CROCC2: variants seen among roughly 807,000 people sequenced by gnomAD.
The protein encoded by CROCC2 is ciliary rootlet coiled-coil protein 2.
CROCC2 carries 163 observed loss-of-function variants against 177.6 expected under a neutral mutation model. The observed-to-expected ratio is 0.92, with a 90% CI of 0.81 to 1.05. The LOEUF is 1.05. Ranked by LOEUF, CROCC2 falls within the 50% of genes least tolerant of loss-of-function variation. CROCC2 has a pLI of 0.00. For missense variants in CROCC2, 1,929 were observed against 1,797.8 expected, an observed-to-expected ratio of 1.07 and a Z score of -1.32; for synonymous variants, 904 against 787.3, an observed-to-expected ratio of 1.15 and a Z score of -2.48.
chr2:240,911,545 G>A (rs1245369805), intron 1 of CROCC2, among the ~76,000 whole-genome samples: 1 of 152,030 alleles, frequency 6.6e-6, no homozygotes, highest in Non-Finnish European at 1.5e-5. Context: ...CGATGTGCGC[G>A]CCTCAACCTC....
rs1358121906 is a variant in CROCC2 at position 240,911,302 on chromosome 2, T to TTTC, written c.78+4713_78+4714insCTT. Among the ~76,000 whole-genome samples, 4 of 148,174 alleles carry TTTC rather than the reference T, an allele frequency of 2.7e-5. No homozygotes were observed. In the East Asian group the frequency reaches 7.9e-4, roughly 29 times the overall value. On this transcript the variant is annotated intron_variant, in intron 1 of 31. Transcript: ENST00000690015. The stretch of plus-strand genomic sequence containing the variant: ...CCACCATCCACGTCCACAACTTTTT[T>TTTC]TTTTTTTTTTTTTAGACAGAGTTGG...
Position 240,964,507 on chromosome 2 carries a change from T to C in CROCC2, c.3347T>C (p.Ile1116Thr). Residue 1116 changes from isoleucine to threonine, a missense_variant, in exon 22 of 32, where the codon ATC (isoleucine) becomes ACC (threonine). Physicochemically the swap from Ile to Thr is moderately conservative, Grantham distance 89. Transcript: ENST00000690015. The part of the protein sequence containing the change: ...SKEEKEQKLL[I>T]LEEAQAALQQ... ...GAGGAGAAGGAGCAGAAGCTGCTCATCCTGGAGGAGGCCCAGGCGGCGTTG... is the reference window on the plus strand; with the variant it reads ...GAGGAGAAGGAGCAGAAGCTGCTCACCCTGGAGGAGGCCCAGGCGGCGTTG... The C allele has an allele frequency of 6.5e-7, 1 of 1,549,086 alleles. No individual in the cohort carries two copies.
At chr2:240,983,692 G>A (rs766613983) in intron 28 of CROCC2, 257 of 1,174,968 alleles carry the variant, frequency 2.2e-4, no homozygotes, top group Non-Finnish European at 2.6e-4. Context: ...TCACCTGCCG[G>A]CGGGGTGGCA....
chr2:240,922,697 C>G (rs1034569329), intron 4 of CROCC2, 52 bp downstream of exon 4: 27 of 524,540 alleles, frequency 5.1e-5, no homozygotes, highest in Non-Finnish European at 8.6e-5. Flanking sequence ...GCCATCCCCC[C>G]GAGAGGCAGT....
Position 240,906,491 on chromosome 2 carries a change from G to C in CROCC2, c.-23G>C, listed in dbSNP as rs994815294. The C allele has an allele frequency of 2.8e-5, 11 of 398,944 alleles. No homozygotes were observed. Among genetic ancestry groups the C allele is most frequent in the Non-Finnish European group, 4.9e-5 (11 of 226,090 alleles). 24.7% of individuals were successfully genotyped at this position (398,944 alleles called of 1,614,324 possible). ...CAGGTAGCAAAGCCCAGACTTCTCT[G>C]GGGTCCTGCGCTCTGGGCTGCAATG... On this transcript the variant is annotated 5_prime_UTR_variant, in exon 1 of 32. Coordinates refer to ENST00000690015, the MANE Select transcript of CROCC2 (RefSeq NM_001351305.2).
chr2:240,926,367 C>A (rs4627560), intron 5 of CROCC2, among the ~76,000 whole-genome samples: 27,233 of 152,166 alleles, frequency 0.18, 2,619 homozygotes, highest in African/African-American at 0.21. Flanking sequence ...CAGGCACCAG[C>A]CCCTGTGGGA....
intron 20 of CROCC2, chr2:240,963,310 G>A (rs556793439): frequency 6.5e-5 from 33 of 509,270 alleles, no homozygotes; most frequent in East Asian, 1.8e-4. Context: ...GCGTGGGGCC[G>A]GGCCCAGGGG....
At chr2:240,969,203 C>T (rs972315089) in intron 27 of CROCC2, among the ~76,000 whole-genome samples, 8 of 152,220 alleles carry the variant, frequency 5.3e-5, no homozygotes, top group South Asian at 2.1e-4. Flanking sequence ...TCAGGAGGGA[C>T]GGCCTTGCAG....
intron 30 of CROCC2, among the ~76,000 whole-genome samples, chr2:240,990,287 G>A (rs1439831238): frequency 2.0e-5 from 3 of 152,224 alleles, no homozygotes; most frequent in Admixed American, 1.3e-4. Flanking sequence ...GGCACAGTGA[G>A]GTGGATAAGG....
intron 27 of CROCC2, chr2:240,981,508 T>A (rs6437223): frequency 0.73 from 111,675 of 152,184 alleles, 42,122 homozygotes; most frequent in East Asian, 0.92. Context: ...ATTAAGGGAG[T>A]ACCACTCAAT....
chr2:240,926,127 G>T (rs1320291717), intron 5 of CROCC2, among the ~76,000 whole-genome samples: 1 of 152,206 alleles, frequency 6.6e-6, no homozygotes, highest in Non-Finnish European at 1.5e-5. Flanking sequence ...CTCAGAATGG[G>T]GCACTGGGGC....
chr2:240,948,753 C>T (rs1033332657), intron 15 of CROCC2, among the ~76,000 whole-genome samples: 7 of 152,172 alleles, frequency 4.6e-5, no homozygotes, highest in Admixed American at 6.5e-5. Context: ...CAGTTGCGTG[C>T]GTGGCTTTTT....
intron 14 of CROCC2, among the ~76,000 whole-genome samples, chr2:240,942,347 C>T (rs995258869): frequency 3.9e-5 from 6 of 152,136 alleles, no homozygotes; most frequent in East Asian, 3.8e-4. Context: ...TGGTAACATT[C>T]TTTTCCTTCT....
chr2:240,947,116 T>C (rs528923886), intron 15 of CROCC2, among the ~76,000 whole-genome samples: 6 of 152,396 alleles, frequency 3.9e-5, no homozygotes, highest in African/African-American at 1.2e-4. Context: ...AGCATTTTTG[T>C]TGAAAAGATT....
At chr2:240,939,990 G>A (rs1429540451) in intron 14 of CROCC2, among the ~76,000 whole-genome samples, 2 of 152,164 alleles carry the variant, frequency 1.3e-5, no homozygotes, top group Non-Finnish European at 2.9e-5. Context: ...TGTGTATTAT[G>A]CTATTGCTGA....
Position 240,965,877 on chromosome 2 carries a change from C to T in CROCC2, c.3845C>T (p.Ala1282Val). ...LEQELAQAEG[A>V]RQDAEAQLGR... Reference sequence around the variant, plus strand: ...CAGGAGCTGGCCCAGGCTGAGGGTGCAAGGCAGGATGCGGAGGCCCAGCTG... The same window carrying T: ...CAGGAGCTGGCCCAGGCTGAGGGTGTAAGGCAGGATGCGGAGGCCCAGCTG... The change falls in exon 24 of 32, where the codon GCA becomes GTA. Residue 1282 changes from alanine to valine, a missense_variant. Ala to Val is a moderately conservative substitution (Grantham distance 64, BLOSUM62 0). Coordinates refer to ENST00000690015, the MANE Select transcript of CROCC2 (RefSeq NM_001351305.2). 6.9e-7 allele frequency: 1 copy of T among 1,440,602 alleles called. No homozygotes were observed. The highest frequency in any genetic ancestry group is 2.6e-5 in the East Asian group (1 of 38,710). 89.2% of individuals were successfully genotyped at this position (1,440,602 alleles called of 1,614,324 possible). A position where few individuals can be genotyped will look rare whatever the true frequency, so the allele number is the denominator to read the frequency against.
chr2:240,910,824 C>A (rs1559586326), intron 1 of CROCC2, among the ~76,000 whole-genome samples: 2 of 152,210 alleles, frequency 1.3e-5, no homozygotes, highest in Non-Finnish European at 2.9e-5. Context: ...GATTGTTCAG[C>A]CTTTTTAAAA....
chr2:240,919,194 G>A lies in CROCC2; in HGVS notation c.229+318G>A, dbSNP rs529425857. ...AGGTGACGGCGTGGGGGACAGTCCT[G>A]GGCCTGGGGCTGGCCTCACCCCCCA... On this transcript the variant is annotated intron_variant, in intron 2 of 31. Coordinates refer to ENST00000690015, the MANE Select transcript of CROCC2 (RefSeq NM_001351305.2). 5.3e-5 allele frequency among the ~76,000 whole-genome samples: 8 copies of A among 152,162 alleles called. No individual in the cohort carries two copies. The South Asian group carries it at 1.7e-3, about 32-fold the overall frequency.
At position 240,932,788 on chromosome 2, in the gene CROCC2, C is replaced by G; in HGVS notation, c.1131C>G (p.Pro377=). The change falls in exon 9 of 32, where the codon CCC becomes CCG. Residue 377 remains proline (P), a synonymous_variant. Transcript: ENST00000690015. ...LGEPRRPLRS[P]QRATSPHQGA... ...AGCCACGGCGCCCACTGAGGAGCCC[C>G]CAACGTGCCACATCCCCCCATCAAG... 1.4e-6 allele frequency: 2 copies of G among 1,452,580 alleles called. No homozygotes were observed. The highest frequency in any genetic ancestry group is 1.9e-6 in the Non-Finnish European group (2 of 1,059,226). 90.0% of individuals were successfully genotyped at this position (1,452,580 alleles called of 1,614,324 possible). A position where few individuals can be genotyped will look rare whatever the true frequency, so the allele number is the denominator to read the frequency against.
Sources: allele counts gnomAD v4.1 joint callset (sites outside exome capture counted in the v4.1 genomes callset), GRCh38; gene constraint gnomAD v4.1.1; transcripts MANE v1.5; gene names NCBI Gene and HGNC (gene_info 2026-07-23, HGNC 2026-07-21).